BANK1: variants seen among roughly 807,000 people sequenced by gnomAD.
BANK1 encodes B cell scaffold protein with ankyrin repeats 1.
BANK1 carries 95 observed loss-of-function variants against 94.5 expected under a neutral mutation model. The ratio of observed to expected loss-of-function variants is 1.00; its 90% confidence interval spans 0.85 to 1.19. BANK1 has a LOEUF of 1.19. BANK1 is among the 50% of genes most tolerant of loss of function. The pLI, the probability that BANK1 is intolerant of heterozygous loss-of-function variation, is 0.00. For missense variants in BANK1, 987 were observed against 932.2 expected (o/e 1.06, Z -0.77); for synonymous variants, 334 against 308.4 (o/e 1.08, Z -0.87).
In BANK1 at chr4:102,057,930, A is replaced by T. The variant is rs1174884022; in HGVS notation, c.1970-2281A>T. On this transcript the variant is annotated intron_variant, in intron 11 of 16. Coordinates refer to ENST00000322953, the MANE Select transcript of BANK1 (RefSeq NM_017935.5). ...ACAATAGAATAACACATATTTTAAAATTTCTTTTCATGCTTTATTATATAT... is the reference window on the plus strand; with the variant it reads ...ACAATAGAATAACACATATTTTAAATTTTCTTTTCATGCTTTATTATATAT... 2.0e-5 allele frequency among the ~76,000 whole-genome samples: 3 copies of T among 152,210 alleles called. No individual in the cohort carries two copies. In the East Asian group the frequency reaches 5.8e-4, roughly 29 times the overall value.
intron 15 of BANK1, among the ~76,000 whole-genome samples, chr4:102,072,680 C>T (rs182202433): frequency 1.3e-5 from 2 of 152,300 alleles, no homozygotes; most frequent in East Asian, 3.9e-4. Flanking sequence ...ATTATCAATA[C>T]ATGTGTTTTA....
At chr4:101,973,473 G>C (rs1578429886) in intron 7 of BANK1, among the ~76,000 whole-genome samples, 1 of 152,010 alleles carries the variant, frequency 6.6e-6, no homozygotes, top group Non-Finnish European at 1.5e-5. Flanking sequence ...ACTGAGTCCA[G>C]AGCTTTCTTC....
At chr4:101,890,503 A>C (rs1447037524) in intron 5 of BANK1, among the ~76,000 whole-genome samples, 1 of 150,414 alleles carries the variant, frequency 6.6e-6, no homozygotes, top group Non-Finnish European at 1.5e-5. Context: ...TAATTTTTGC[A>C]TGCTATATCT....
chr4:101,940,104 T>C (rs1402289612), intron 7 of BANK1, among the ~76,000 whole-genome samples: 1 of 151,752 alleles, frequency 6.6e-6, no homozygotes, highest in African/African-American at 2.4e-5. Flanking sequence ...TCCTAAGAGA[T>C]GTGTTCTTTC....
rs147385654 is a variant in BANK1 at position 101,948,182 on chromosome 4, C to T, written c.1206+29993C>T. On this transcript the variant is annotated intron_variant, in intron 7 of 16. Transcript: ENST00000322953. ...GCAAGGAAAAGAGCAGAGTATGAGACTAGCCCTACAAAAGAGGAAGATCAC... is the reference window on the plus strand; with the variant it reads ...GCAAGGAAAAGAGCAGAGTATGAGATTAGCCCTACAAAAGAGGAAGATCAC... 5.8e-3 allele frequency among the ~76,000 whole-genome samples: 879 copies of T among 152,202 alleles called. 8 individuals are homozygous for T. The highest frequency in any genetic ancestry group is 0.02 in the African/African-American group (818 of 41,570).
chr4:101,792,298 A>T (rs1578319630), intron 1 of BANK1, among the ~76,000 whole-genome samples: 2 of 104,014 alleles, frequency 1.9e-5, no homozygotes, highest in South Asian at 6.9e-4. Flanking sequence ...GTCCTTCTCC[A>T]TGCAGTATTT....
intron 1 of BANK1, among the ~76,000 whole-genome samples, chr4:101,802,628 C>A (rs1177409838): frequency 6.6e-6 from 1 of 152,198 alleles, no homozygotes; most frequent in African/African-American, 2.4e-5. Flanking sequence ...GAGTCATATT[C>A]TGATCTGTTG....
intron 5 of BANK1, among the ~76,000 whole-genome samples, chr4:101,893,422 A>C (rs897441099): frequency 6.6e-6 from 1 of 152,076 alleles, no homozygotes; most frequent in African/African-American, 2.4e-5. Flanking sequence ...AGAAATGGCG[A>C]TGGAGCTCCT....
At chr4:101,846,014 C>G (rs765401326) in intron 2 of BANK1, among the ~76,000 whole-genome samples, 15 of 152,144 alleles carry the variant, frequency 9.9e-5, no homozygotes, top group East Asian at 1.9e-4. Flanking sequence ...ATCCCTCCCC[C>G]CTTCCCCCAC....
At chr4:101,968,597 G>A (rs1207452964) in intron 7 of BANK1, among the ~76,000 whole-genome samples, 2 of 152,002 alleles carry the variant, frequency 1.3e-5, no homozygotes, top group African/African-American at 4.8e-5. Flanking sequence ...CAAGTAAGAA[G>A]GTGATGGGTG....
chr4:101,844,689 T>C (rs529258448), intron 2 of BANK1, among the ~76,000 whole-genome samples: 2 of 152,302 alleles, frequency 1.3e-5, no homozygotes, highest in Non-Finnish European at 2.9e-5. Context: ...AAATCATAAT[T>C]CTTCTCAGAA....
intron 7 of BANK1, among the ~76,000 whole-genome samples, chr4:102,007,146 T>TTA (rs376933355): frequency 0.02 from 748 of 38,038 alleles, 35 homozygotes; most frequent in Middle Eastern, 0.071. Flanking sequence ...AAAATATATT[T>TTA]TATATATATA....
intron 13 of BANK1, among the ~76,000 whole-genome samples, chr4:102,066,247 CA>C (rs1015533088): frequency 7.5e-5 from 11 of 147,420 alleles, no homozygotes; most frequent in African/African-American, 2.2e-4. Flanking sequence ...ATTAAAAATA[CA>C]ATAACATCTT....
At chr4:101,802,899 C>T (rs1302485145) in intron 1 of BANK1, among the ~76,000 whole-genome samples, 1 of 152,110 alleles carries the variant, frequency 6.6e-6, no homozygotes, top group East Asian at 1.9e-4. Flanking sequence ...TGGACACAGA[C>T]TTCCATGGCT....
chr4:101,857,198 C>T (rs1411821667), intron 3 of BANK1, among the ~76,000 whole-genome samples: 1 of 152,128 alleles, frequency 6.6e-6, no homozygotes, highest in Non-Finnish European at 1.5e-5. Flanking sequence ...GTTGAGGCTT[C>T]CCTATCATCC....
Position 101,826,583 on chromosome 4 carries a change from C to G in BANK1, c.71-3225C>G, listed in dbSNP as rs541923151. On this transcript the variant is annotated intron_variant, in intron 1 of 16. Transcript: ENST00000322953. ...AATATGAAGAAAACCCTCCTCCTAC[C>G]GTTCCTCAAACATAAAAATACTGAA... is the stretch of plus-strand genomic sequence containing the variant. 1.1e-4 allele frequency among the ~76,000 whole-genome samples: 16 copies of G among 152,000 alleles called. No homozygotes were observed. In the East Asian group the frequency reaches 1.7e-3, roughly 16 times the overall value.
intron 3 of BANK1, among the ~76,000 whole-genome samples, chr4:101,861,532 G>A (rs1168894326): frequency 1.3e-5 from 2 of 152,088 alleles, no homozygotes; most frequent in South Asian, 4.2e-4. Flanking sequence ...CATGGGGTTC[G>A]ACAGCATGAT....
At chr4:101,919,836 T>C (rs2148900845) in intron 7 of BANK1, among the ~76,000 whole-genome samples, 1 of 152,102 alleles carries the variant, frequency 6.6e-6, no homozygotes, top group African/African-American at 2.4e-5. Context: ...GTCAATGCGT[T>C]TTCATGACCA....
At chr4:102,073,647 C>T (rs773343675) in intron 15 of BANK1, 37 bp from the exon 16 acceptor site, 53 of 1,573,326 alleles carry the variant, frequency 3.4e-5, no homozygotes, top group African/African-American at 5.4e-5. Context: ...AGGGACAAAT[C>T]GAGAAATACT....
Sources: gnomAD v4.1 joint callset for allele counts (sites outside exome capture counted in the v4.1 genomes callset) on GRCh38, gnomAD v4.1.1 for gene constraint, MANE v1.5 for transcripts, NCBI Gene and HGNC (gene_info 2026-07-23, HGNC 2026-07-21) for gene names.